Variants in GAREM1 observed in about 807,000 individuals in gnomAD.
GAREM1 encodes GRB2-associated and regulator of MAPK protein 1.
A neutral mutation model predicts 71.3 loss-of-function variants in GAREM1; 26 were observed. The ratio of observed to expected loss-of-function variants is 0.36; its 90% CI spans 0.27 to 0.51. The LOEUF is 0.51. GAREM1 is among the 20% of genes least tolerant of loss of function. The probability of loss-of-function intolerance (pLI) is 0.95; values close to 1 mark genes in which losing one functional copy is unlikely to be tolerated. For synonymous variants in GAREM1, 440 were observed against 433.2 expected, an observed-to-expected ratio of 1.02 and a Z score of -0.20; for missense variants, 1,026 against 1,103.1, an observed-to-expected ratio of 0.93 and a Z score of 0.99.
intron 1 of GAREM1, among the ~76,000 whole-genome samples, chr18:32,454,594 T>C (rs1449978704): frequency 2.6e-5 from 4 of 152,162 alleles, no homozygotes; most frequent in African/African-American, 7.2e-5. Flanking sequence ...TATATGCAAA[T>C]ATAATTCACT....
chr18:32,401,724 A>T (rs73958413), intron 1 of GAREM1, among the ~76,000 whole-genome samples: 11,552 of 152,298 alleles, frequency 0.076, 457 homozygotes, highest in African/African-American at 0.097. Context: ...CCAGAGGTAG[A>T]ACACACTGCC....
intron 2 of GAREM1, among the ~76,000 whole-genome samples, chr18:32,352,754 A>G (rs992089078): frequency 1.2e-4 from 18 of 152,156 alleles, no homozygotes; most frequent in Non-Finnish European, 5.9e-5. Flanking sequence ...TGTGATTATG[A>G]GAGAAGGAAA....
At chr18:32,269,516 T>C (rs1482148252) in intron 5 of GAREM1, among the ~76,000 whole-genome samples, 2 of 152,146 alleles carry the variant, frequency 1.3e-5, no homozygotes, top group East Asian at 3.9e-4. Flanking sequence ...GATGTTTCTT[T>C]TGGAGAAGAG....
intron 1 of GAREM1, among the ~76,000 whole-genome samples, chr18:32,398,688 CAA>C (rs1233075321): frequency 6.6e-6 from 1 of 151,816 alleles, no homozygotes; most frequent in Non-Finnish European, 1.5e-5. Context: ...GCTTACCAAC[CAA>C]AAAAAGTCCA....
rs527970081 is a variant in GAREM1 at position 32,316,466 on chromosome 18, T to C, written c.263-6143A>G. On this transcript the variant is annotated intron_variant, in intron 2 of 5. Transcript: ENST00000269209. ...CCAAATACTACCTTACATTTCTTTA[T>C]TTTTGAGACAAGGTCTGGCTCTATT... Among the ~76,000 whole-genome samples the C allele has an allele frequency of 3.9e-5, 6 of 152,350 alleles. No individual in the cohort carries two copies. The South Asian group carries it at 1.2e-3, about 32-fold the overall frequency.
chr18:32,326,202 C>T (rs1598962883), intron 2 of GAREM1, among the ~76,000 whole-genome samples: 1 of 152,146 alleles, frequency 6.6e-6, no homozygotes, highest in Admixed American at 6.5e-5. Flanking sequence ...CTCACTGCCA[C>T]CGGGTTGGAG....
intron 2 of GAREM1, among the ~76,000 whole-genome samples, chr18:32,377,257 T>C (rs374324350): frequency 6.6e-6 from 1 of 152,152 alleles, no homozygotes; most frequent in African/African-American, 2.4e-5. Flanking sequence ...CTGATTCTAA[T>C]TGGATCAGTA....
chr18:32,445,594 T>G (rs1329235075), intron 1 of GAREM1, among the ~76,000 whole-genome samples: 2 of 152,170 alleles, frequency 1.3e-5, no homozygotes, highest in East Asian at 1.9e-4. Flanking sequence ...TTAATGAATA[T>G]AAACCAGAAG....
chr18:32,369,928 A>G (rs1199784058), intron 2 of GAREM1, among the ~76,000 whole-genome samples: 2 of 152,098 alleles, frequency 1.3e-5, no homozygotes, highest in African/African-American at 4.8e-5. Context: ...ATTTTCTTCA[A>G]CTGTGAGGTT....
Position 32,470,781 on chromosome 18 carries a change from G to C in GAREM1, c.-353C>G, listed in dbSNP as rs2049047389. On this transcript the variant is annotated 5_prime_UTR_variant, in exon 1 of 6. Transcript: ENST00000269209. This position sits in a 1 kb window ranked among gnomAD's most constrained non-coding sequence, Gnocchi z 4.4. ...GGGTCTGCAGCTGCGGCGGCCGCCC[G>C]CTCGCCTCCTCCTCCTCTTACCCCT... 6.7e-6 allele frequency among the ~76,000 whole-genome samples: 1 copy of C among 149,904 alleles called. No homozygotes were observed. Among genetic ancestry groups the C allele is most frequent in the African/African-American group, 2.4e-5 (1 of 41,190 alleles).
intron 2 of GAREM1, among the ~76,000 whole-genome samples, chr18:32,341,347 A>C (rs140756273): frequency 0.023 from 3,567 of 152,290 alleles, 142 homozygotes; most frequent in African/African-American, 0.08. Flanking sequence ...CACGGTGTAT[A>C]TGTGCCACAT....
rs1043615125 is a variant in GAREM1, at chr18:32,264,086, C to T, written c.*3785G>A. ...AACAGTGTGATTTAACATGATGTAA[C>T]CATGAGAATCCCGTATTATTACAAT... On this transcript the variant is annotated 3_prime_UTR_variant, in exon 6 of 6. Coordinates refer to ENST00000269209, the MANE Select transcript of GAREM1 (RefSeq NM_001242409.2). The T allele has an allele frequency of 3.3e-5, 5 of 152,148 alleles. No homozygotes were observed. The highest frequency in any genetic ancestry group is 9.7e-5 in the African/African-American group (4 of 41,428). 9.4% of individuals were successfully genotyped at this position (152,148 alleles called of 1,614,324 possible).
chr18:32,463,893 A>G (rs2048975035), intron 1 of GAREM1, among the ~76,000 whole-genome samples: 1 of 151,594 alleles, frequency 6.6e-6, no homozygotes, highest in South Asian at 2.1e-4. Flanking sequence ...TGTGTATAAC[A>G]TTATACTAGG....
intron 3 of GAREM1, among the ~76,000 whole-genome samples, chr18:32,305,767 G>A (rs182194315): frequency 1.3e-5 from 2 of 152,180 alleles, no homozygotes; most frequent in Non-Finnish European, 2.9e-5. Flanking sequence ...TGATCCACCC[G>A]CTTTGGCCTC....
chr18:32,331,880 G>A (rs963949828), intron 2 of GAREM1, among the ~76,000 whole-genome samples: 3 of 151,924 alleles, frequency 2.0e-5, no homozygotes, highest in Non-Finnish European at 2.9e-5. Flanking sequence ...ACATCTGGGC[G>A]CAGGCAGAGC....
chr18:32,353,808 G>T (rs899112007), intron 2 of GAREM1, among the ~76,000 whole-genome samples: 1 of 152,088 alleles, frequency 6.6e-6, no homozygotes, highest in African/African-American at 2.4e-5. Flanking sequence ...TTATGATTTA[G>T]AATTGATAGA....
chr18:32,414,914 C>T (rs1022498742), intron 1 of GAREM1, among the ~76,000 whole-genome samples: 4 of 151,782 alleles, frequency 2.6e-5, no homozygotes, highest in East Asian at 3.9e-4. Flanking sequence ...ACCAATTAAA[C>T]GAAAAGTTGG....
rs147353874 is a variant in GAREM1, at chr18:32,289,443, C to A, written c.394-1240G>T. On this transcript the variant is annotated intron_variant, in intron 3 of 5. Transcript: ENST00000269209. ...TATATTTATTGGTATATTCATTTTT[C>A]AGTATTTATCTAATTATTTAGATCT... Among the ~76,000 whole-genome samples, 471 of 152,150 alleles carry A rather than the reference C, an allele frequency of 3.1e-3. 2 individuals are homozygous for A. The highest frequency in any genetic ancestry group is 0.011 in the African/African-American group (447 of 41,514).
At chr18:32,378,270 C>T (rs1599003184) in intron 2 of GAREM1, among the ~76,000 whole-genome samples, 3 of 152,056 alleles carry the variant, frequency 2.0e-5, no homozygotes, top group South Asian at 4.2e-4. Flanking sequence ...GCGGCCAAGG[C>T]GGGTGGATCA....
Sources: gnomAD v4.1 joint callset for allele counts (sites outside exome capture counted in the v4.1 genomes callset) on GRCh38, gnomAD v4.1.1 for gene constraint, Gnocchi (gnomAD v3.1) non-coding constraint, MANE v1.5 for transcripts, NCBI Gene and HGNC (gene_info 2026-07-23, HGNC 2026-07-21) for gene names.